Variants in SKAP2 observed in about 807,000 individuals in gnomAD.
SKAP2 encodes src kinase associated phosphoprotein 2.
Under a neutral mutation model 54.9 loss-of-function variants are expected in SKAP2, and 28 were observed. That is an observed-to-expected ratio of 0.51 (90% confidence interval 0.38 to 0.70). The LOEUF (loss-of-function observed/expected upper bound fraction) is 0.70. SKAP2 is among the 30% of genes least tolerant of loss of function. The probability of loss-of-function intolerance (pLI) is 0.00; values close to 1 mark genes in which losing one functional copy is unlikely to be tolerated. For missense variants in SKAP2, 356 were observed against 424.1 expected (o/e 0.84, Z 1.41); for synonymous variants, 137 against 134.3 (o/e 1.02, Z -0.14).
At chr7:26,767,666 G>C (rs569285635) in intron 4 of SKAP2, among the ~76,000 whole-genome samples, 1 of 152,204 alleles carries the variant, frequency 6.6e-6, no homozygotes, top group East Asian at 1.9e-4. Flanking sequence ...TTGTCTCCTT[G>C]TTCTCATTGG....
At chr7:26,833,702 G>A (rs1230287561) in intron 4 of SKAP2, among the ~76,000 whole-genome samples, 1 of 152,046 alleles carries the variant, frequency 6.6e-6, no homozygotes, top group Non-Finnish European at 1.5e-5. Context: ...CCCAATACAG[G>A]AGCACCCAGA....
chr7:26,756,090 T>TATACTAATG (rs1440441469), intron 4 of SKAP2, among the ~76,000 whole-genome samples: 4 of 152,208 alleles, frequency 2.6e-5, no homozygotes, highest in Non-Finnish European at 5.9e-5. Context: ...TGGAAAGATA[T>TATACTAATG]ATACTAATGT....
intron 4 of SKAP2, among the ~76,000 whole-genome samples, chr7:26,802,453 T>C (rs1783935701): frequency 6.6e-6 from 1 of 152,032 alleles, no homozygotes; most frequent in African/African-American, 2.4e-5. Context: ...ATATTTTTAG[T>C]AGAGACAGGG....
chr7:26,739,332 G>A (rs976753164), intron 5 of SKAP2, among the ~76,000 whole-genome samples: 2 of 152,206 alleles, frequency 1.3e-5, no homozygotes, highest in Non-Finnish European at 2.9e-5. Context: ...AAGCAGAATG[G>A]TAATGAAAAG....
At position 26,864,431 on chromosome 7, in the gene SKAP2, T is replaced by C; in HGVS notation, c.-2A>G. 6.2e-7 allele frequency: 1 copy of C among 1,603,578 alleles called. No individual in the cohort carries two copies. On this transcript the variant is annotated 5_prime_UTR_variant, in exon 1 of 13. Transcript: ENST00000345317. ...GGAGGTGCTGCTGGGGTTGGGCATG[T>C]TAGGGAGCGCAGGGCGTGCGGGGAA... is the stretch of plus-strand genomic sequence containing the variant.
At chr7:26,725,714 T>C in intron 8 of SKAP2, 149 bp from the exon 9 acceptor site, 1 of 975,826 alleles carries the variant, frequency 1.0e-6, no homozygotes, top group African/African-American at 1.6e-5. Flanking sequence ...AAAATTGTTT[T>C]GTAAATATGT....
At chr7:26,700,648 T>C (rs957556192) in intron 9 of SKAP2, among the ~76,000 whole-genome samples, 3 of 152,178 alleles carry the variant, frequency 2.0e-5, no homozygotes, top group Admixed American at 1.3e-4. Context: ...TTTGGCACAA[T>C]CCTGAAGAGT....
intron 4 of SKAP2, among the ~76,000 whole-genome samples, chr7:26,782,827 G>A (rs1453559939): frequency 6.6e-6 from 1 of 152,108 alleles, no homozygotes; most frequent in Non-Finnish European, 1.5e-5. Context: ...CACATAGAAG[G>A]CACCATTTAT....
At chr7:26,785,564 C>T (rs1783527737) in intron 4 of SKAP2, among the ~76,000 whole-genome samples, 1 of 152,096 alleles carries the variant, frequency 6.6e-6, no homozygotes, top group Non-Finnish European at 1.5e-5. Context: ...TAAATGGAGG[C>T]CCACAGAGCA....
chr7:26,779,013 A>C (rs1320242775), intron 4 of SKAP2, among the ~76,000 whole-genome samples: 1 of 152,016 alleles, frequency 6.6e-6, no homozygotes, highest in East Asian at 1.9e-4. Flanking sequence ...AGTTAAGCCC[A>C]CTAGTTGAAA....
intron 9 of SKAP2, among the ~76,000 whole-genome samples, chr7:26,722,617 C>G (rs1234873174): frequency 6.6e-6 from 1 of 151,790 alleles, no homozygotes; most frequent in Non-Finnish European, 1.5e-5. Flanking sequence ...CCATGTTGGC[C>G]AGGCTCGCTT....
chr7:26,827,533 T>C (rs1215941613), intron 4 of SKAP2, among the ~76,000 whole-genome samples: 2 of 152,146 alleles, frequency 1.3e-5, no homozygotes, highest in East Asian at 1.9e-4. Context: ...ACTATGGCTA[T>C]GGAGGAAGAT....
intron 3 of SKAP2, among the ~76,000 whole-genome samples, chr7:26,852,727 C>A (rs2127998184): frequency 6.6e-6 from 1 of 152,252 alleles, no homozygotes; most frequent in Non-Finnish European, 1.5e-5. Context: ...ATTACTGATC[C>A]ATATGCAATT....
intron 4 of SKAP2, among the ~76,000 whole-genome samples, chr7:26,840,341 G>A (rs1208442019): frequency 6.6e-6 from 1 of 152,068 alleles, no homozygotes; most frequent in Non-Finnish European, 1.5e-5. Flanking sequence ...GCCAATATAT[G>A]TCTTCTAGCT....
At chr7:26,712,784 G>A (rs1435779423) in intron 9 of SKAP2, among the ~76,000 whole-genome samples, 1 of 152,260 alleles carries the variant, frequency 6.6e-6, no homozygotes, top group Non-Finnish European at 1.5e-5. Flanking sequence ...TGATGAGCTA[G>A]CTACCCAGTG....
rs531403215 is a variant in SKAP2, at chr7:26,858,493, G to A, written c.68-3603C>T. On this transcript the variant is annotated intron_variant, in intron 1 of 12. Transcript: ENST00000345317. ...TCTGAAAACAAAATTAAAAGTTGAC[G>A]TATACTGGCTCAGCAATCTTGAGCA... 3.3e-5 allele frequency among the ~76,000 whole-genome samples: 5 copies of A among 152,116 alleles called. No homozygotes were observed. The East Asian group carries it at 5.8e-4, about 18-fold the overall frequency.
At chr7:26,677,849 T>C (rs1051709483) in intron 11 of SKAP2, among the ~76,000 whole-genome samples, 5 of 152,232 alleles carry the variant, frequency 3.3e-5, no homozygotes, top group Admixed American at 6.5e-5. Flanking sequence ...GAAAATGAAA[T>C]AATTTTGACC....
At chr7:26,852,855 G>C (rs1584427868) in intron 3 of SKAP2, among the ~76,000 whole-genome samples, 1 of 152,152 alleles carries the variant, frequency 6.6e-6, no homozygotes, top group East Asian at 1.9e-4. Flanking sequence ...TTTTAAGAGA[G>C]GCAGAATCTG....
rs955459874 is a variant in SKAP2 at position 26,735,100 on chromosome 7, C to T, written c.469+3695G>A. Among the ~76,000 whole-genome samples the T allele has an allele frequency of 4.6e-5, 7 of 152,182 alleles. No homozygotes were observed. The East Asian group carries it at 1.2e-3, about 25-fold the overall frequency. ...TTACCTGCCCAGCTCCCTCCTCCAA[C>T]CCCACAGCATCCTTCCCTCTCTCAC... On this transcript the variant is annotated intron_variant, in intron 6 of 12. Transcript: ENST00000345317.
Sources: gnomAD v4.1 joint callset for allele counts (sites outside exome capture counted in the v4.1 genomes callset) on GRCh38, gnomAD v4.1.1 for gene constraint, MANE v1.5 for transcripts, NCBI Gene and HGNC (gene_info 2026-07-23, HGNC 2026-07-21) for gene names.